Variants in IFT27 observed in about 807,000 individuals in gnomAD.
The protein encoded by IFT27 is intraflagellar transport 27, also known as intraflagellar transport protein 27 homolog.
A neutral mutation model predicts 23.9 loss-of-function variants in IFT27; 19 were observed. That is an observed-to-expected ratio of 0.79 (90% confidence interval 0.55 to 1.16). The LOEUF (loss-of-function observed/expected upper bound fraction) is 1.16. IFT27 is among the 50% of genes most tolerant of loss of function. IFT27 has a pLI of 0.00. For synonymous variants in IFT27, 91 were observed against 89.1 expected, an observed-to-expected ratio of 1.02 and a Z score of -0.12; for missense variants, 206 against 228.7, an observed-to-expected ratio of 0.90 and a Z score of 0.64.
chr22:36,770,135 G>A (rs1052303032), intron 1 of IFT27, among the ~76,000 whole-genome samples: 22 of 152,196 alleles, frequency 1.4e-4, no homozygotes, highest in African/African-American at 5.1e-4. Context: ...CTGGGCCTGG[G>A]GGCGACAGCA....
intron 6 of IFT27, chr22:36,759,727 A>AG (rs1268695409): frequency 6.6e-6 from 1 of 152,272 alleles, no homozygotes; most frequent in Non-Finnish European, 1.5e-5. Context: ...ACGAAACAGA[A>AG]GGATTTCCAA....
At chr22:36,774,417 T>C (rs1172495314) in intron 1 of IFT27, among the ~76,000 whole-genome samples, 3 of 152,174 alleles carry the variant, frequency 2.0e-5, no homozygotes, top group African/African-American at 7.2e-5. Flanking sequence ...TTAAGAGTTT[T>C]GGAGTTGGCC....
intron 6 of IFT27, chr22:36,759,966 G>T (rs1311865982): frequency 6.6e-6 from 1 of 152,274 alleles, no homozygotes; most frequent in African/African-American, 2.4e-5. Flanking sequence ...GAAAGCCTAA[G>T]TAAAGAAAAC....
At chr22:36,765,456 T>C (rs1938220163) in intron 4 of IFT27, among the ~76,000 whole-genome samples, 1 of 152,116 alleles carries the variant, frequency 6.6e-6, no homozygotes, top group South Asian at 2.1e-4. Context: ...GCCAACCCTG[T>C]ATGAAATCAC....
intron 5 of IFT27, 96 bp downstream of exon 5, chr22:36,763,823 C>T (rs768923145): frequency 2.2e-6 from 2 of 906,178 alleles, no homozygotes; most frequent in South Asian, 1.3e-5. Flanking sequence ...AGCCCAGGGC[C>T]CCTTCTCCAC....
At chr22:36,767,103 C>A in intron 3 of IFT27, 1 of 469,038 alleles carries the variant, frequency 2.1e-6, no homozygotes, top group Non-Finnish European at 3.9e-6. Flanking sequence ...GGGCCAGGCC[C>A]ATCTCCTAGT....
chr22:36,768,787 T>C (rs1477469165), intron 1 of IFT27, among the ~76,000 whole-genome samples: 1 of 152,214 alleles, frequency 6.6e-6, no homozygotes, highest in Non-Finnish European at 1.5e-5. Flanking sequence ...TTGTTTCCAT[T>C]TGCAGCCTCT....
chr22:36,764,010 G>C lies in IFT27; in HGVS notation c.261C>G (p.Leu87=), dbSNP rs552840567. 2.5e-6 allele frequency: 4 copies of C among 1,613,944 alleles called. No individual in the cohort carries two copies. The highest frequency in any genetic ancestry group is 3.3e-5 in the Admixed American group (2 of 60,028). Residue 87 remains leucine (L), a synonymous_variant, in exon 5 of 7, where the codon CTC becomes CTG. Transcript: ENST00000433985. ...KLWESPNVLC[L]VYDVTNEESF... is the part of the protein sequence containing the mutation. Reference sequence around the variant, plus strand: ...ATTCTTCATTGGTCACATCATAGACGAGACATAAGACATTGGGACTCTCCC... The same window carrying C: ...ATTCTTCATTGGTCACATCATAGACCAGACATAAGACATTGGGACTCTCCC...
intron 1 of IFT27, among the ~76,000 whole-genome samples, chr22:36,771,554 G>A (rs1315156936): frequency 1.3e-5 from 2 of 152,090 alleles, no homozygotes; most frequent in African/African-American, 4.8e-5. Context: ...AACTCCTGAG[G>A]TGCCGGGACC....
chr22:36,758,367 T>C lies in IFT27; in HGVS notation c.505A>G (p.Lys169Glu), dbSNP rs762301687. 6.2e-7 allele frequency: 1 copy of C among 1,614,160 alleles called. No individual in the cohort carries two copies. The highest frequency in any genetic ancestry group is 8.5e-7 in the Non-Finnish European group (1 of 1,180,026). The change falls in exon 7 of 7, where the codon AAG becomes GAG. Residue 169 changes from lysine to glutamate, a missense_variant. By Grantham distance (56) the Lys-to-Glu change is moderately conservative (BLOSUM62 1). Coordinates refer to ENST00000433985, the MANE Select transcript of IFT27 (RefSeq NM_001177701.3). ...TCCCGGTACAGCTGGTGGAACTGCT[T>C]GGCAAGGCAGTGGAAAGGGGCTTCG... Reference protein sequence around the residue: ...NFEAPFHCLAKQFHQLYREKV... With the variant: ...NFEAPFHCLAEQFHQLYREKV...
At chr22:36,759,230 C>T (rs937586046) in intron 6 of IFT27, 2 of 152,370 alleles carry the variant, frequency 1.3e-5, no homozygotes, top group East Asian at 3.9e-4. Flanking sequence ...CACGACAGAC[C>T]CCAGCAAACA....
chr22:36,760,356 G>A (rs1318345203), intron 6 of IFT27: 1 of 152,260 alleles, frequency 6.6e-6, no homozygotes, highest in African/African-American at 2.4e-5. Flanking sequence ...ATGCAGGTGA[G>A]CCTCAATAGA....
intron 1 of IFT27, chr22:36,772,453 T>A: frequency 2.1e-6 from 2 of 953,164 alleles, no homozygotes; most frequent in Non-Finnish European, 2.5e-6. Context: ...CTGGCATATA[T>A]AAGTACTATT....
Position 36,767,713 on chromosome 22 carries a change from G to A in IFT27, c.114+70C>T, listed in dbSNP as rs74834353. 1,967 of 1,373,650 alleles carry A rather than the reference G, an allele frequency of 1.4e-3. 2 individuals are homozygous for A. Among genetic ancestry groups the A allele is most frequent in the Non-Finnish European group, 1.8e-3 (1,771 of 961,984 alleles). The allele number at this position is 1,373,650 out of a possible 1,614,324, so 85.1% of individuals were successfully genotyped here. ...CTTAAGGCTTCCCTCAAGGAACTTCGAAGTCACTCATCATGGTGAACCGAG... is the reference window on the plus strand; with the variant it reads ...CTTAAGGCTTCCCTCAAGGAACTTCAAAGTCACTCATCATGGTGAACCGAG... On this transcript the variant is annotated intron_variant, in intron 2 of 6. Transcript: ENST00000433985.
chr22:36,769,623 G>A (rs1351837163), intron 1 of IFT27, among the ~76,000 whole-genome samples: 1 of 152,114 alleles, frequency 6.6e-6, no homozygotes, highest in African/African-American at 2.4e-5. Context: ...CCAAAGTGCT[G>A]GGATTACAGA....
intron 1 of IFT27, among the ~76,000 whole-genome samples, chr22:36,769,832 G>T (rs553224807): frequency 1.3e-5 from 2 of 152,266 alleles, no homozygotes; most frequent in East Asian, 3.9e-4. Flanking sequence ...TCAGCTGGAA[G>T]TTGGCTCCTC....
intron 2 of IFT27, 44 bp from the exon 3 acceptor site, chr22:36,767,409 G>A: frequency 6.4e-7 from 1 of 1,562,120 alleles, no homozygotes; most frequent in Non-Finnish European, 8.8e-7. Flanking sequence ...GGCCCCCAAA[G>A]GGAGAGCATG....
chr22:36,758,307 C>T lies in IFT27; in HGVS notation c.*4G>A. The stretch of plus-strand genomic sequence containing the variant: ...GGTTGTGCAGCACGATCTGCTCCAG[C>T]TCGTCATGCCAGGGCCCGGAAAACC... On this transcript the variant is annotated 3_prime_UTR_variant, in exon 7 of 7. Transcript: ENST00000433985. The T allele has an allele frequency of 6.2e-7, 1 of 1,609,266 alleles. No individual in the cohort carries two copies. The highest frequency in any genetic ancestry group is 8.5e-7 in the Non-Finnish European group (1 of 1,175,528).
rs1220538177 is a variant in IFT27 at position 36,767,818 on chromosome 22, T to G, written c.79A>C (p.Ser27Arg). 1.2e-6 allele frequency: 2 copies of G among 1,614,094 alleles called. No individual in the cohort carries two copies. The highest frequency in any genetic ancestry group is 1.7e-6 in the Non-Finnish European group (2 of 1,180,038). ...CTTTTCTGGAAATGGGCTCCATCAC[T>G]GCGGAAGATCTGTGCCAGGGCGGTC... ...GKTALAQIFRSDGAHFQKSYT... is the reference protein window; with the variant it reads ...GKTALAQIFRRDGAHFQKSYT... Residue 27 changes from serine to arginine, a missense_variant, in exon 2 of 7, where the codon AGT (serine) becomes CGT (arginine). By Grantham distance (110) the Ser-to-Arg change is moderately radical. Transcript: ENST00000433985.
Sources: gnomAD v4.1 joint callset for allele counts (sites outside exome capture counted in the v4.1 genomes callset) on GRCh38, gnomAD v4.1.1 for gene constraint, MANE v1.5 for transcripts, NCBI Gene and HGNC (gene_info 2026-07-23, HGNC 2026-07-21) for gene names.